The following SORCS3 variants were observed in gnomAD, a reference collection of about 807,000 sequenced individuals.
SORCS3 encodes the protein sortilin related VPS10 domain containing receptor 3, also known as VPS10 domain-containing receptor SorCS3.
Under a neutral mutation model 146.3 loss-of-function variants are expected in SORCS3, and 57 were observed. The observed-to-expected ratio is 0.39, with a 90% CI of 0.31 to 0.49. The LOEUF is 0.49. SORCS3 is among the 20% of genes least tolerant of loss of function. The pLI, the probability that SORCS3 is intolerant of heterozygous loss-of-function variation, is 0.92. For missense variants in SORCS3, 1,341 were observed against 1,575.5 expected, an observed-to-expected ratio of 0.85 and a Z score of 2.52; for synonymous variants, 653 against 618.5, an observed-to-expected ratio of 1.06 and a Z score of -0.83.
At chr10:104,706,673 A>G (rs2016341598) in intron 1 of SORCS3, among the ~76,000 whole-genome samples, 1 of 152,174 alleles carries the variant, frequency 6.6e-6, no homozygotes, top group Non-Finnish European at 1.5e-5. Context: ...GTATAGTCCC[A>G]CTTCCCTGTG....
chr10:104,804,625 C>T (rs780101463), intron 1 of SORCS3, among the ~76,000 whole-genome samples: 5 of 152,230 alleles, frequency 3.3e-5, no homozygotes, highest in Non-Finnish European at 7.3e-5. Flanking sequence ...GGGCATAGTG[C>T]AGTCCTGTTC....
intron 5 of SORCS3, among the ~76,000 whole-genome samples, chr10:105,063,057 T>TAA (rs2055498652): frequency 6.6e-6 from 1 of 152,226 alleles, no homozygotes; most frequent in Admixed American, 6.5e-5. Context: ...GCTGAATGAT[T>TAA]TTATTATATG....
At chr10:105,131,541 T>C (rs1047616136) in intron 7 of SORCS3, among the ~76,000 whole-genome samples, 6 of 152,146 alleles carry the variant, frequency 3.9e-5, no homozygotes, top group African/African-American at 1.4e-4. Flanking sequence ...AACTTGGAAA[T>C]TGATAGGAAC....
intron 4 of SORCS3, among the ~76,000 whole-genome samples, chr10:104,997,431 C>G (rs1366527794): frequency 6.6e-6 from 1 of 152,088 alleles, no homozygotes; most frequent in African/African-American, 2.4e-5. Flanking sequence ...TGTTTTGAGA[C>G]TTAACATTTC....
chr10:104,847,873 A>G (rs1262189018), intron 2 of SORCS3, among the ~76,000 whole-genome samples: 2 of 152,128 alleles, frequency 1.3e-5, no homozygotes, highest in East Asian at 1.9e-4. Flanking sequence ...GCCTGGCTTC[A>G]GGATGCACCA....
intron 12 of SORCS3, 129 bp from the exon 13 acceptor site, chr10:105,167,129 C>A: frequency 3.0e-6 from 2 of 666,698 alleles, no homozygotes; most frequent in South Asian, 4.1e-5. Context: ...CTTGCAAAAA[C>A]TATCTGATAG....
rs558912237 is a variant in SORCS3, at chr10:104,643,636, T to G, written c.627+1682T>G. On this transcript the variant is annotated intron_variant, in intron 1 of 26. Transcript: ENST00000369701. ...TGGATATGTGTGTGCTGGGGGGAGA[T>G]TCTCTGACCTCAGGGTTGATTCTCT... 4.2e-4 allele frequency among the ~76,000 whole-genome samples: 64 copies of G among 151,908 alleles called. No individual in the cohort carries two copies. The South Asian group carries it at 0.012, about 28-fold the overall frequency.
At chr10:104,940,242 T>A (rs1389966282) in intron 3 of SORCS3, among the ~76,000 whole-genome samples, 526 of 12,500 alleles carry the variant, frequency 0.042, 2 homozygotes, top group Non-Finnish European at 0.058. Flanking sequence ...ATATATATTT[T>A]TTTTTTTTTT....
At chr10:104,681,976 A>T (rs2015982850) in intron 1 of SORCS3, among the ~76,000 whole-genome samples, 1 of 151,716 alleles carries the variant, frequency 6.6e-6, no homozygotes, top group Non-Finnish European at 1.5e-5. Context: ...TATTTTAATG[A>T]TTTATCTATT....
intron 1 of SORCS3, among the ~76,000 whole-genome samples, chr10:104,798,953 C>T (rs528251874): frequency 1.3e-5 from 2 of 152,304 alleles, no homozygotes; most frequent in South Asian, 4.2e-4. Flanking sequence ...AAATGCTCAT[C>T]ATCACTGGTC....
intron 1 of SORCS3, among the ~76,000 whole-genome samples, chr10:104,736,987 G>T (rs1459118650): frequency 6.6e-6 from 1 of 151,210 alleles, no homozygotes; most frequent in Non-Finnish European, 1.5e-5. Context: ...GTGTCCATGT[G>T]TTCTCATTGT....
intron 1 of SORCS3, among the ~76,000 whole-genome samples, chr10:104,690,258 G>A (rs916535435): frequency 1.3e-5 from 2 of 152,230 alleles, no homozygotes; most frequent in African/African-American, 4.8e-5. Flanking sequence ...ACTCCTCAAG[G>A]TGGGGGTGTG....
chr10:104,860,671 G>A (rs1304806833), intron 2 of SORCS3, among the ~76,000 whole-genome samples: 3 of 152,108 alleles, frequency 2.0e-5, no homozygotes, highest in Non-Finnish European at 2.9e-5. Flanking sequence ...GACAATGATC[G>A]AAGTGCTTTA....
intron 1 of SORCS3, among the ~76,000 whole-genome samples, chr10:104,667,683 A>G (rs2015798543): frequency 6.6e-6 from 1 of 152,268 alleles, no homozygotes; most frequent in African/African-American, 2.4e-5. Flanking sequence ...ACAAAACCCC[A>G]GAGTAAATGG....
At chr10:105,197,611 T>C (rs1339548496) in intron 14 of SORCS3, among the ~76,000 whole-genome samples, 1 of 152,234 alleles carries the variant, frequency 6.6e-6, no homozygotes, top group African/African-American at 2.4e-5. Context: ...AAATATTTTA[T>C]GTCTCCCTGA....
intron 1 of SORCS3, among the ~76,000 whole-genome samples, chr10:104,837,821 T>C (rs564507578): frequency 6.6e-6 from 1 of 152,324 alleles, no homozygotes; most frequent in Admixed American, 6.5e-5. Flanking sequence ...CGTTTTTCTC[T>C]TCTCTGCATT....
chr10:104,878,119 G>T (rs535716231), intron 2 of SORCS3, among the ~76,000 whole-genome samples: 2 of 152,058 alleles, frequency 1.3e-5, no homozygotes, highest in Non-Finnish European at 2.9e-5. Context: ...TCAGGAACAA[G>T]AATGTAACCA....
chr10:105,145,737 T>C (rs1463183240), intron 8 of SORCS3, among the ~76,000 whole-genome samples: 1 of 152,142 alleles, frequency 6.6e-6, no homozygotes, highest in East Asian at 1.9e-4. Flanking sequence ...CAGGAACCTG[T>C]AATTCTACAA....
intron 5 of SORCS3, among the ~76,000 whole-genome samples, chr10:105,084,144 T>A (rs1269709730): frequency 6.6e-6 from 1 of 152,170 alleles, no homozygotes; most frequent in Admixed American, 6.5e-5. Flanking sequence ...ACATTTACAT[T>A]TTAAATATAG....
Sources: gnomAD v4.1 joint callset for allele counts (sites outside exome capture counted in the v4.1 genomes callset) on GRCh38, gnomAD v4.1.1 for gene constraint, MANE v1.5 for transcripts, NCBI Gene and HGNC (gene_info 2026-07-23, HGNC 2026-07-21) for gene names.